CORO2A: variants seen among roughly 807,000 people sequenced by gnomAD.
CORO2A encodes the protein coronin-2A.
Under a neutral mutation model 62.4 loss-of-function variants are expected in CORO2A, and 47 were observed. That is an observed-to-expected ratio of 0.75 (90% CI 0.60 to 0.96). The LOEUF (loss-of-function observed/expected upper bound fraction) is 0.96. CORO2A is among the 40% of genes least tolerant of loss of function. The pLI is 0.00. For synonymous variants in CORO2A, 273 were observed against 268.9 expected (o/e 1.02, Z -0.15); for missense variants, 610 against 684.1 (o/e 0.89, Z 1.21).
chr9:98,161,485 C>T (rs1352398260), intron 1 of CORO2A, among the ~76,000 whole-genome samples: 4 of 152,196 alleles, frequency 2.6e-5, no homozygotes, highest in East Asian at 3.9e-4. Flanking sequence ...ACCGGGAATG[C>T]GGAGGTTGCA....
chr9:98,167,410 G>A (rs926083607), intron 1 of CORO2A, among the ~76,000 whole-genome samples: 1 of 152,152 alleles, frequency 6.6e-6, no homozygotes, highest in Non-Finnish European at 1.5e-5. Context: ...CAGTATGAGC[G>A]TACTTAATAC....
intron 1 of CORO2A, among the ~76,000 whole-genome samples, chr9:98,178,324 G>C (rs557298315): frequency 7.2e-4 from 109 of 152,308 alleles, no homozygotes; most frequent in Admixed American, 2.4e-3. Flanking sequence ...TGGGATTACA[G>C]GCCAGCACTC....
Position 98,121,364 on chromosome 9 carries a change from C to T in CORO2A, c.*3410G>A, listed in dbSNP as rs1233647527. 1 of 152,066 alleles carries T rather than the reference C, an allele frequency of 6.6e-6. No individual in the cohort carries two copies. Among genetic ancestry groups the T allele is most frequent in the Non-Finnish European group, 1.5e-5 (1 of 68,028 alleles). 9.4% of individuals were successfully genotyped at this position (152,066 alleles called of 1,614,324 possible). A position where few individuals can be genotyped will look rare whatever the true frequency, so the allele number is the denominator to read the frequency against. ...AGCATGCTCTGCCAACTGGCTGGGA[C>T]CTGAATGTGCTAGGCAAGTTCCACT... On this transcript the variant is annotated 3_prime_UTR_variant, in exon 12 of 12. Coordinates refer to ENST00000375077, the MANE Select transcript of CORO2A (RefSeq NM_052820.4).
At chr9:98,135,700 T>C (rs1214637210) in intron 3 of CORO2A, among the ~76,000 whole-genome samples, 1 of 152,234 alleles carries the variant, frequency 6.6e-6, no homozygotes, top group African/African-American at 2.4e-5. Flanking sequence ...CAAGGTTCTC[T>C]GGCCCCTAGT....
chr9:98,138,723 T>C (rs1018791008), intron 2 of CORO2A, among the ~76,000 whole-genome samples: 1 of 152,164 alleles, frequency 6.6e-6, no homozygotes, highest in Non-Finnish European at 1.5e-5. Flanking sequence ...CCCTGGTACC[T>C]GGTATCTGGA....
chr9:98,180,905 G>T (rs1206485146), intron 1 of CORO2A, among the ~76,000 whole-genome samples: 1 of 152,204 alleles, frequency 6.6e-6, no homozygotes. Flanking sequence ...TGAAAGACCA[G>T]CTCCAGGGAT....
In CORO2A at chr9:98,185,703, G is replaced by A. The variant is rs374469951; in HGVS notation, c.-1+6856C>T. On this transcript the variant is annotated intron_variant, in intron 1 of 11. Transcript: ENST00000375077. ...GCCACAGGAGTTGCCCAGTTATTGA[G>A]CACGCCATAGACCACGCCCTGTGCA... Among the ~76,000 whole-genome samples the A allele has an allele frequency of 3.9e-5, 6 of 152,232 alleles. No individual in the cohort carries two copies. The East Asian group carries it at 5.8e-4, about 15-fold the overall frequency.
chr9:98,174,848 T>C (rs536419750), intron 1 of CORO2A, among the ~76,000 whole-genome samples: 8 of 152,190 alleles, frequency 5.3e-5, no homozygotes, highest in Non-Finnish European at 1.0e-4. Context: ...TATGTCATTA[T>C]AGCAGTGTGA....
At chr9:98,177,085 T>C (rs553519230) in intron 1 of CORO2A, among the ~76,000 whole-genome samples, 1 of 152,348 alleles carries the variant, frequency 6.6e-6, no homozygotes, top group Admixed American at 6.5e-5. Flanking sequence ...TGGCCTTATC[T>C]AGGCTCTCCT....
At chr9:98,131,843 C>T (rs970355829) in intron 6 of CORO2A, among the ~76,000 whole-genome samples, 1 of 152,094 alleles carries the variant, frequency 6.6e-6, no homozygotes, top group Non-Finnish European at 1.5e-5. Context: ...TCCCCATACC[C>T]GTTAGTACCT....
chr9:98,128,777 G>T, intron 8 of CORO2A, 58 bp from the exon 9 acceptor site: 1 of 1,448,288 alleles, frequency 6.9e-7, no homozygotes, highest in Non-Finnish European at 9.7e-7. Context: ...ACAGTGTTAG[G>T]GCCAAAGCCA....
At chr9:98,131,439 C>A (rs1244714658) in intron 6 of CORO2A, among the ~76,000 whole-genome samples, 1 of 151,876 alleles carries the variant, frequency 6.6e-6, no homozygotes, top group Admixed American at 6.6e-5. Context: ...GATCCTCTCG[C>A]CTCAGTCTCC....
At chr9:98,188,629 T>A (rs1239656062) in intron 1 of CORO2A, among the ~76,000 whole-genome samples, 2 of 152,086 alleles carry the variant, frequency 1.3e-5, no homozygotes, top group Non-Finnish European at 2.9e-5. Flanking sequence ...GCTGGTGTGG[T>A]GGCACGCACC....
rs144568030 is a variant in CORO2A at position 98,154,680 on chromosome 9, T to C, written c.201+2780A>G. ...GGTTTAGTGTAGGCTGTTTTTAATT[T>C]AAGGTTAATTAAATGATATAGTTTA... On this transcript the variant is annotated intron_variant, in intron 2 of 11. Coordinates refer to ENST00000375077, the MANE Select transcript of CORO2A (RefSeq NM_052820.4). Among the ~76,000 whole-genome samples, 243 of 152,332 alleles carry C rather than the reference T, an allele frequency of 1.6e-3. 1 individual carries two copies. The highest frequency in any genetic ancestry group is 5.6e-3 in the African/African-American group (232 of 41,572).
intron 1 of CORO2A, among the ~76,000 whole-genome samples, chr9:98,178,244 G>A (rs1041253646): frequency 3.3e-5 from 5 of 152,056 alleles, no homozygotes; most frequent in African/African-American, 1.2e-4. Flanking sequence ...GCGGGGATTT[G>A]CTATGTTGCC....
chr9:98,148,974 TC>T (rs1827686644), intron 2 of CORO2A, among the ~76,000 whole-genome samples: 1 of 152,132 alleles, frequency 6.6e-6, no homozygotes, highest in South Asian at 2.1e-4. Context: ...AGGTTAATTG[TC>T]ATCTGGGGTT....
chr9:98,122,577 G>C lies in CORO2A; in HGVS notation c.*2197C>G, dbSNP rs2118774252. ...ACTTTAGAGTAGGGCTCGGAACACAGATTCACTAAGGAGGGACAAAGAAAA... is the reference window on the plus strand; with the variant it reads ...ACTTTAGAGTAGGGCTCGGAACACACATTCACTAAGGAGGGACAAAGAAAA... On this transcript the variant is annotated 3_prime_UTR_variant, in exon 12 of 12. Coordinates refer to ENST00000375077, the MANE Select transcript of CORO2A (RefSeq NM_052820.4). The C allele has an allele frequency of 6.6e-6, 1 of 152,340 alleles. No homozygotes were observed. The highest frequency in any genetic ancestry group is 1.9e-4 in the East Asian group (1 of 5,184). 9.4% of individuals were successfully genotyped at this position (152,340 alleles called of 1,614,324 possible).
chr9:98,185,214 G>A (rs1228169189), intron 1 of CORO2A, among the ~76,000 whole-genome samples: 1 of 152,164 alleles, frequency 6.6e-6, no homozygotes, highest in Non-Finnish European at 1.5e-5. Flanking sequence ...AGGCCCCACA[G>A]CTCCTGGGCT....
intron 2 of CORO2A, among the ~76,000 whole-genome samples, chr9:98,152,576 G>A (rs1004242096): frequency 1.3e-5 from 2 of 152,158 alleles, no homozygotes; most frequent in African/African-American, 4.8e-5. Context: ...GAGCCACCCT[G>A]CCTGGCCTGT....
Sources: allele counts gnomAD v4.1 joint callset (sites outside exome capture counted in the v4.1 genomes callset), GRCh38; gene constraint gnomAD v4.1.1; transcripts MANE v1.5; gene names NCBI Gene and HGNC (gene_info 2026-07-23, HGNC 2026-07-21).